Variants in NTRK3 observed in about 807,000 individuals in gnomAD.
NTRK3 encodes NT-3 growth factor receptor.
In NTRK3, 24 loss-of-function variants were observed where a neutral mutation model predicts 91.7. That is an observed-to-expected ratio of 0.26 (90% CI 0.19 to 0.37). The LOEUF is 0.37. NTRK3 is among the 10% of genes least tolerant of loss of function. The pLI is 1.00. For synonymous variants in NTRK3, 483 were observed against 404.0 expected (o/e 1.20, Z -2.34); for missense variants, 880 against 1,068.9 (o/e 0.82, Z 2.46).
At chr15:88,112,269 T>G (rs535321858) in intron 13 of NTRK3, among the ~76,000 whole-genome samples, 2 of 152,324 alleles carry the variant, frequency 1.3e-5, no homozygotes, top group South Asian at 4.1e-4. Context: ...CCTTCAAGAT[T>G]TTATGTAATA....
chr15:88,208,007 T>G (rs2048937742), intron 3 of NTRK3, among the ~76,000 whole-genome samples: 2 of 152,134 alleles, frequency 1.3e-5, no homozygotes, highest in Admixed American at 1.3e-4. Flanking sequence ...ATGAGGCAAG[T>G]AAGGCTACTT....
chr15:87,986,153 G>C (rs2074760063), intron 14 of NTRK3, among the ~76,000 whole-genome samples: 2 of 152,186 alleles, frequency 1.3e-5, no homozygotes, highest in South Asian at 4.1e-4. Flanking sequence ...GCTTAACTGA[G>C]AGTAGAGAGA....
At chr15:87,910,044 G>C (rs1426221519) in intron 17 of NTRK3, among the ~76,000 whole-genome samples, 4 of 152,174 alleles carry the variant, frequency 2.6e-5, no homozygotes, top group Non-Finnish European at 4.4e-5. Context: ...CTGGCGCTGG[G>C]CCACCGGGGA....
chr15:87,908,909 G>A lies in NTRK3; in HGVS notation c.2133+20282C>T, dbSNP rs567078076. Among the ~76,000 whole-genome samples the A allele has an allele frequency of 4.6e-5, 7 of 152,108 alleles. No homozygotes were observed. In the East Asian group the frequency reaches 7.8e-4, roughly 17 times the overall value. On this transcript the variant is annotated intron_variant, in intron 17 of 18. Transcript: ENST00000394480. ...GAAGACGCAATGGGCTTCCCTCCAC[G>A]AGCTTGGTTCTACTCCCAGCAGGAG...
chr15:87,930,988 T>C, intron 16 of NTRK3: 1 of 301,072 alleles, frequency 3.3e-6, no homozygotes, highest in Non-Finnish European at 6.6e-6. Flanking sequence ...CCATGCTGTC[T>C]GCCATGGAGA....
Position 88,200,314 on chromosome 15 carries a change from C to T in NTRK3, c.249-16015G>A, listed in dbSNP as rs192965994. Reference sequence around the variant, plus strand: ...GCCTAATCCCAACAGCAGGTATGGCCTGGAACTCCACTTCATTTATTTATA... The same window carrying T: ...GCCTAATCCCAACAGCAGGTATGGCTTGGAACTCCACTTCATTTATTTATA... On this transcript the variant is annotated intron_variant, in intron 3 of 18. Coordinates refer to ENST00000394480, the Ensembl canonical transcript of NTRK3. Among the ~76,000 whole-genome samples the T allele has an allele frequency of 3.3e-5, 5 of 152,324 alleles. No individual in the cohort carries two copies. In the East Asian group the frequency reaches 9.6e-4, roughly 29 times the overall value.
chr15:87,988,783 A>T (rs536709267), intron 14 of NTRK3, among the ~76,000 whole-genome samples: 1 of 152,336 alleles, frequency 6.6e-6, no homozygotes, highest in South Asian at 2.1e-4. Context: ...CAATAAGGAT[A>T]ATCTGTCTTT....
chr15:88,152,975 C>T (rs527551071), intron 5 of NTRK3, among the ~76,000 whole-genome samples: 1 of 152,330 alleles, frequency 6.6e-6, no homozygotes, highest in East Asian at 1.9e-4. Context: ...ACTGACTCTT[C>T]CTGGAGGATT....
chr15:88,179,704 C>G (rs1328268518), intron 5 of NTRK3, among the ~76,000 whole-genome samples: 1 of 152,088 alleles, frequency 6.6e-6, no homozygotes, highest in Non-Finnish European at 1.5e-5. Context: ...AACCCAAGTT[C>G]AATAATGCTG....
chr15:87,912,355 A>G (rs1173419179), intron 17 of NTRK3, among the ~76,000 whole-genome samples: 5 of 152,184 alleles, frequency 3.3e-5, no homozygotes, highest in Non-Finnish European at 7.3e-5. Flanking sequence ...TCTATTCACA[A>G]GTAAACTCTC....
At chr15:88,050,985 T>G (rs2080772876) in intron 13 of NTRK3, among the ~76,000 whole-genome samples, 1 of 152,212 alleles carries the variant, frequency 6.6e-6, no homozygotes, top group African/African-American at 2.4e-5. Flanking sequence ...TTGCAGAATT[T>G]TCATCAAATT....
chr15:87,897,398 A>T (rs2066191259), intron 17 of NTRK3, among the ~76,000 whole-genome samples: 1 of 152,196 alleles, frequency 6.6e-6, no homozygotes, highest in South Asian at 2.1e-4. Flanking sequence ...AACTCCAAAG[A>T]TGTGAGTTGA....
chr15:88,032,820 C>T (rs764232066), intron 14 of NTRK3, 37 bp downstream of exon 14: 1 of 1,612,288 alleles, frequency 6.2e-7, no homozygotes, highest in Non-Finnish European at 8.5e-7. Flanking sequence ...CCACCCTCCC[C>T]TCCCCAGGAG....
exon 13 of NTRK3, chr15:88,126,298 C>G: frequency 6.2e-7 from 1 of 1,613,914 alleles, no homozygotes; most frequent in African/African-American, 1.3e-5. Context: ...GACCGTCGAC[C>G]ATATTTGTTG....
At chr15:88,017,919 C>A (rs1444038060) in intron 14 of NTRK3, among the ~76,000 whole-genome samples, 2 of 152,230 alleles carry the variant, frequency 1.3e-5, no homozygotes, top group African/African-American at 4.8e-5. Context: ...GGCATGAGGG[C>A]TGCTCGACTC....
At chr15:88,162,660 G>A (rs375847897) in intron 5 of NTRK3, among the ~76,000 whole-genome samples, 3 of 152,186 alleles carry the variant, frequency 2.0e-5, no homozygotes, top group African/African-American at 4.8e-5. Flanking sequence ...TCGAAAGAGC[G>A]CTGTTGACCT....
rs548262261 is a variant in NTRK3 at position 88,090,448 on chromosome 15, T to C, written c.1396+35823A>G. 3.3e-5 allele frequency among the ~76,000 whole-genome samples: 5 copies of C among 152,186 alleles called. No homozygotes were observed. In the South Asian group the frequency reaches 6.2e-4, roughly 19 times the overall value. On this transcript the variant is annotated intron_variant, in intron 13 of 18. Transcript: ENST00000394480. ...AAAGGACAGCGTGCCCTAGGCAACG[T>C]AGATAAGCATTCTCCTATAAATATA...
intron 3 of NTRK3, among the ~76,000 whole-genome samples, chr15:88,191,793 G>A (rs1409505098): frequency 1.3e-5 from 2 of 152,264 alleles, no homozygotes; most frequent in African/African-American, 4.8e-5. Flanking sequence ...CAGCTCCATG[G>A]TGCTAAGGCA....
At chr15:87,995,027 G>A (rs575873583) in intron 14 of NTRK3, among the ~76,000 whole-genome samples, 1 of 152,138 alleles carries the variant, frequency 6.6e-6, no homozygotes, top group African/African-American at 2.4e-5. Context: ...TAATGATAAT[G>A]GCTTTTCACA....
Sources: allele counts gnomAD v4.1 joint callset (sites outside exome capture counted in the v4.1 genomes callset), GRCh38; gene constraint gnomAD v4.1.1; transcripts MANE v1.5; gene names NCBI Gene and HGNC (gene_info 2026-07-23, HGNC 2026-07-21).